The following KMT2D variants were observed in gnomAD, a reference collection of about 807,000 sequenced individuals.
KMT2D encodes the protein lysine methyltransferase 2D, also known as histone-lysine N-methyltransferase 2D.
A neutral mutation model predicts 512.7 loss-of-function variants in KMT2D; 55 were observed. The ratio of observed to expected loss-of-function variants is 0.11; its 90% CI spans 0.09 to 0.13. The LOEUF is 0.13. Ranked by LOEUF, KMT2D falls within the 10% of genes least tolerant of loss-of-function variation. KMT2D has a pLI of 1.00. For missense variants in KMT2D, 6,061 were observed against 7,127.9 expected (o/e 0.85, Z 5.39); for synonymous variants, 2,995 against 2,904.0 (o/e 1.03, Z -1.01).
rs770649611 is a variant in KMT2D, at chr12:49,044,774, G to C, written c.4933C>G (p.Leu1645Val). ...LGPDDKKDGD[L>V]DTDELLKGEG... ...CCCTTGAGCAGCTCATCGGTGTCCA[G>C]GTCCCCATCCTTCTTGTCATCAGGG... is the stretch of plus-strand genomic sequence containing the variant. The change falls in exon 20 of 55, where the codon CTG becomes GTG. Residue 1645 changes from leucine (L) to valine (V), a missense_variant. Physicochemically the swap from Leu to Val is conservative, Grantham distance 32 (BLOSUM62 1). Around this residue, in one of 16 missense-constraint regions of KMT2D, gnomAD observed 640 missense variants for 814.3 expected, o/e 0.79. Coordinates refer to ENST00000301067, the MANE Select transcript of KMT2D (RefSeq NM_003482.4). The surrounding 1 kb of genome is among the most constrained non-coding windows in gnomAD (Gnocchi z 6.4). 6.2e-7 allele frequency: 1 copy of C among 1,613,922 alleles called. No individual in the cohort carries two copies. Among genetic ancestry groups the C allele is most frequent in the South Asian group, 1.1e-5 (1 of 91,074 alleles).
rs780344461 is a variant in KMT2D, at chr12:49,049,726, T to C, written c.3862A>G (p.Lys1288Glu). 1.9e-6 allele frequency: 3 copies of C among 1,603,698 alleles called. No individual in the cohort carries two copies. The highest frequency in any genetic ancestry group is 1.7e-5 in the Admixed American group (1 of 59,682). Residue 1288 changes from lysine to glutamate, a missense_variant, in exon 12 of 55, where the codon AAG becomes GAG. Around this residue, in one of 16 missense-constraint regions of KMT2D, gnomAD observed 447 missense variants for 500.1 expected, o/e 0.89. Coordinates refer to ENST00000301067, the MANE Select transcript of KMT2D (RefSeq NM_003482.4). The stretch of plus-strand genomic sequence containing the variant: ...GCTGGGGAGCTGCGCCGCCGCCCCT[T>C]CTCCCCCTCAGCTTTGCCTCCGCTG... ...AISGGKAEGE[K>E]GRRRSSPARS...
chr12:49,041,323 C>T lies in KMT2D; in HGVS notation c.6447G>A (p.Ser2149=), dbSNP rs1382639107. 3.4e-5 allele frequency: 53 copies of T among 1,537,224 alleles called. No individual in the cohort carries two copies. The highest frequency in any genetic ancestry group is 4.6e-5 in the East Asian group (2 of 43,570). The change falls in exon 32 of 55, where the codon TCG becomes TCA. Residue 2149 remains serine (S), a synonymous_variant. Coordinates refer to ENST00000301067, the MANE Select transcript of KMT2D (RefSeq NM_003482.4). The surrounding 1 kb of genome is among the most constrained non-coding windows in gnomAD (Gnocchi z 5.4). ...ADGFLKPPAG[S]VPGPDSPGEL... is the part of the protein sequence containing the mutation. ...CACCAGGCGAGTCAGGGCCAGGCAC[C>T]GAGCCCGCCGGCGGCTTCAGGAACC... is the stretch of plus-strand genomic sequence containing the variant.
chr12:49,042,977 C>A lies in KMT2D; in HGVS notation c.5644+99G>T. The A allele has an allele frequency of 6.4e-7, 1 of 1,570,340 alleles. No individual in the cohort carries two copies. Among genetic ancestry groups the A allele is most frequent in the South Asian group, 1.1e-5 (1 of 89,624 alleles). The stretch of plus-strand genomic sequence containing the variant: ...TGGCCAGGAACAGTCCAGGACTCCC[C>A]ACCAGAGAAGCTGTACAGATCACAG... On this transcript the variant is annotated intron_variant, in intron 26 of 54. Transcript: ENST00000301067. The surrounding 1 kb of genome is among the most constrained non-coding windows in gnomAD (Gnocchi z 4.4).
At chr12:49,052,862 A>G (rs1286851045) in intron 9 of KMT2D, 53 bp downstream of exon 9, 2 of 1,607,436 alleles carry the variant, frequency 1.2e-6, no homozygotes, top group Admixed American at 3.3e-5. Flanking sequence ...GCCCCTGCCA[A>G]TGTCAGTTCT....
In KMT2D at chr12:49,020,930, T is replaced by G; in HGVS notation, c.*850A>C. ...ATCATTTGCCTCAACCACCATCCCA[T>G]GCCCATAATTAAAAACAAAGATGGA... On this transcript the variant is annotated 3_prime_UTR_variant, in exon 55 of 55. Coordinates refer to ENST00000301067, the MANE Select transcript of KMT2D (RefSeq NM_003482.4). The G allele has an allele frequency of 5.1e-6, 1 of 194,676 alleles. No homozygotes were observed. Among genetic ancestry groups the G allele is most frequent in the Non-Finnish European group, 1.1e-5 (1 of 93,292 alleles). 12.1% of individuals were successfully genotyped at this position (194,676 alleles called of 1,614,324 possible).
At position 49,052,178 on chromosome 12, in the gene KMT2D, G is replaced by C. The variant is rs1449395575; in HGVS notation, c.1505C>G (p.Pro502Arg). Residue 502 changes from proline to arginine, a missense_variant, in exon 11 of 55, where the codon CCT becomes CGT. Pro to Arg is a moderately radical substitution (Grantham distance 103, BLOSUM62 -2). Transcript: ENST00000301067. Reference sequence around the variant, plus strand: ...TGATGATTCAGGTGGGGGAGACAGAGGAGACTCCTCAGGCGGCGGAGAGAG... The same window carrying C: ...TGATGATTCAGGTGGGGGAGACAGACGAGACTCCTCAGGCGGCGGAGAGAG... ...SPLSPPPEESPLSPPPESSPF... is the reference protein window; with the variant it reads ...SPLSPPPEESRLSPPPESSPF... 1 of 1,613,598 alleles carries C rather than the reference G, an allele frequency of 6.2e-7. No individual in the cohort carries two copies. Among genetic ancestry groups the C allele is most frequent in the Non-Finnish European group, 8.5e-7 (1 of 1,179,744 alleles).
rs1942249901 is a variant in KMT2D, at chr12:49,020,288, G to T, written c.*1492C>A. On this transcript the variant is annotated 3_prime_UTR_variant, in exon 55 of 55. Coordinates refer to ENST00000301067, the MANE Select transcript of KMT2D (RefSeq NM_003482.4). Reference sequence around the variant, plus strand: ...CTTACAGCAGTCACAGCCAGGGGGTGGGGAGTGGGGTGGGGGGTGAGGAAA... The same window carrying T: ...CTTACAGCAGTCACAGCCAGGGGGTTGGGAGTGGGGTGGGGGGTGAGGAAA... The T allele has an allele frequency of 5.7e-6, 1 of 174,526 alleles. No individual in the cohort carries two copies. The highest frequency in any genetic ancestry group is 1.2e-5 in the Non-Finnish European group (1 of 80,960). 10.8% of individuals were successfully genotyped at this position (174,526 alleles called of 1,614,324 possible).
Position 49,029,392 on chromosome 12 carries a change from C to T in KMT2D, c.14075+9G>A, listed in dbSNP as rs774910986. On this transcript the variant is annotated intron_variant, in intron 44 of 54. Coordinates refer to ENST00000301067, the MANE Select transcript of KMT2D (RefSeq NM_003482.4). ...TGTTCCTCATCCCCATTTCTGGCCC[C>T]GCCCCTACCTGACATCCTCAGTCTG... 24 of 1,556,612 alleles carry T rather than the reference C, an allele frequency of 1.5e-5. No homozygotes were observed. Among genetic ancestry groups the T allele is most frequent in the Admixed American group, 1.9e-5 (1 of 51,540 alleles).
rs58887405 is a variant in KMT2D, at chr12:49,033,057, T to A, written c.11648A>T (p.His3883Leu). The A allele has an allele frequency of 6.4e-7, 1 of 1,551,586 alleles. No homozygotes were observed. The highest frequency in any genetic ancestry group is 8.7e-7 in the Non-Finnish European group (1 of 1,146,956). Residue 3883 changes from histidine to leucine, a missense_variant, in exon 40 of 55, where the codon CAC (histidine) becomes CTC (leucine). Transcript: ENST00000301067. ...LSHLQQSLMS[H>L]SGQPKLSAQP... ...AGCGCTCAGTTTGGGCTGCCCACTG[T>A]GTGACATCAGACTCTGCTGAAGATG... is the stretch of plus-strand genomic sequence containing the variant.
rs993126939 is a variant in KMT2D at position 49,060,483 on chromosome 12, G to A, written c.-908C>T. Among the ~76,000 whole-genome samples, 6 of 152,198 alleles carry A rather than the reference G, an allele frequency of 3.9e-5. No homozygotes were observed. The highest frequency in any genetic ancestry group is 1.4e-4 in the African/African-American group (6 of 41,458). ...ATCGCAGGCGGCCTAGAGGTGCATGGCCCAACCCCGGCTCCCGGCACCGGG... is the reference window on the plus strand; with the variant it reads ...ATCGCAGGCGGCCTAGAGGTGCATGACCCAACCCCGGCTCCCGGCACCGGG... On this transcript the variant is annotated 5_prime_UTR_variant, in exon 1 of 55. Coordinates refer to ENST00000301067, the MANE Select transcript of KMT2D (RefSeq NM_003482.4).
rs769668943 is a variant in KMT2D at position 49,044,799 on chromosome 12, G to C, written c.4908C>G (p.Gly1636=). 1 of 1,614,002 alleles carries C rather than the reference G, an allele frequency of 6.2e-7. No individual in the cohort carries two copies. Among genetic ancestry groups the C allele is most frequent in the Non-Finnish European group, 8.5e-7 (1 of 1,179,896 alleles). The change falls in exon 20 of 55, where the codon GGC becomes GGG. Residue 1636 remains glycine (G), a synonymous_variant. Transcript: ENST00000301067. This position sits in a 1 kb window ranked among gnomAD's most constrained non-coding sequence, Gnocchi z 6.4. ...LEGSEPSDAL[G]PDDKKDGDLD... Reference sequence around the variant, plus strand: ...GGTCCCCATCCTTCTTGTCATCAGGGCCAAGGGCATCTGAGGGCTCAGAAC... The same window carrying C: ...GGTCCCCATCCTTCTTGTCATCAGGCCCAAGGGCATCTGAGGGCTCAGAAC...
chr12:49,030,827 C>T (rs1942868237), intron 41 of KMT2D, 59 bp from the exon 42 acceptor site: 1 of 1,612,576 alleles, frequency 6.2e-7, no homozygotes, highest in East Asian at 2.2e-5. Context: ...CTGTCTTGCA[C>T]AGCTGGGGGA....
intron 49 of KMT2D, among the ~76,000 whole-genome samples, chr12:49,025,420 C>T (rs1047166285): frequency 1.3e-5 from 2 of 152,156 alleles, no homozygotes; most frequent in Admixed American, 6.5e-5. Flanking sequence ...ACATACTTAC[C>T]GTATGTTACA....
chr12:49,046,066 C>T lies in KMT2D; in HGVS notation c.4692G>A (p.Val1564=), dbSNP rs912602466. The change falls in exon 18 of 55, where the codon GTG becomes GTA. Residue 1564 remains valine (V), a splice_region_variant and synonymous_variant. Coordinates refer to ENST00000301067, the MANE Select transcript of KMT2D (RefSeq NM_003482.4). The surrounding 1 kb of genome is among the most constrained non-coding windows in gnomAD (Gnocchi z 4.2). ...CCCTACCCAGCAGCTGGTACTCACC[C>T]ACAGGCTTTACCACGTAGGGCTGGC... is the stretch of plus-strand genomic sequence containing the variant. ...VSCQPYVVKP[V]APVAPPELVP... is the part of the protein sequence containing the mutation. 3.1e-6 allele frequency: 5 copies of T among 1,611,546 alleles called. No homozygotes were observed. The East Asian group carries it at 8.9e-5, about 29-fold the overall frequency.
Position 49,024,408 on chromosome 12 carries a change from A to C in KMT2D, c.16052+170T>G, listed in dbSNP as rs1169301696. Reference sequence around the variant, plus strand: ...CATCTGAGCAGGTTGGGAGAGGAGGAAAAGGATACCCTACTAATACCTGCA... The same window carrying C: ...CATCTGAGCAGGTTGGGAGAGGAGGCAAAGGATACCCTACTAATACCTGCA... On this transcript the variant is annotated intron_variant, in intron 51 of 54. Transcript: ENST00000301067. This position sits in a 1 kb window ranked among gnomAD's most constrained non-coding sequence, Gnocchi z 4.5. Among the ~76,000 whole-genome samples, 1 of 152,188 alleles carries C rather than the reference A, an allele frequency of 6.6e-6. No homozygotes were observed. The highest frequency in any genetic ancestry group is 1.5e-5 in the Non-Finnish European group (1 of 68,026).
chr12:49,024,831 G>A lies in KMT2D; in HGVS notation c.15900C>T (p.Ala5300=), dbSNP rs202037419. The change falls in exon 50 of 55, where the codon GCC becomes GCT. Residue 5300 remains alanine, a synonymous_variant. Transcript: ENST00000301067. This position sits in a 1 kb window ranked among gnomAD's most constrained non-coding sequence, Gnocchi z 4.5. The part of the protein sequence containing the change: ...GEELFGLTVH[A]VLRIAESLPG... ...TTACTGATTCAGCTATGCGAAGCACGGCATGCACCGTCAGCCCAAAGAGCT... is the reference window on the plus strand; with the variant it reads ...TTACTGATTCAGCTATGCGAAGCACAGCATGCACCGTCAGCCCAAAGAGCT... 8.7e-6 allele frequency: 14 copies of A among 1,612,716 alleles called. No homozygotes were observed. The highest frequency in any genetic ancestry group is 1.6e-4 in the Middle Eastern group (1 of 6,082).
rs2137716114 is a variant in KMT2D at position 49,026,447 on chromosome 12, T to C, written c.15519A>G (p.Glu5173=). The C allele has an allele frequency of 6.2e-7, 1 of 1,613,916 alleles. No individual in the cohort carries two copies. The highest frequency in any genetic ancestry group is 8.5e-7 in the Non-Finnish European group (1 of 1,179,890). The change falls in exon 49 of 55, where the codon GAA becomes GAG. Residue 5173 remains glutamate, a synonymous_variant. Coordinates refer to ENST00000301067, the MANE Select transcript of KMT2D (RefSeq NM_003482.4). This position sits in a 1 kb window ranked among gnomAD's most constrained non-coding sequence, Gnocchi z 9.6. The part of the protein sequence containing the change: ...KQIASIIQRG[E]RLHMFRVGGL... ...CCCCCACACGGAACATGTGCAGCCG[T>C]TCTCCCCGCTGAATGATGCTAGCGA... is the stretch of plus-strand genomic sequence containing the variant.
chr12:49,033,362 G>A lies in KMT2D; in HGVS notation c.11343C>T (p.Ser3781=). The A allele has an allele frequency of 6.3e-7, 1 of 1,584,626 alleles. No individual in the cohort carries two copies. Among genetic ancestry groups the A allele is most frequent in the African/African-American group, 1.3e-5 (1 of 74,406 alleles). ...PKPQGLMPPS[S]HQGLLVQQLS... ...GCTGCTGGACCAGGAGGCCTTGGTG[G>A]CTGCTGGGAGGCATAAGGCCCTGGG... The change falls in exon 40 of 55, where the codon AGC becomes AGT. Residue 3781 remains serine (S), a synonymous_variant. Coordinates refer to ENST00000301067, the MANE Select transcript of KMT2D (RefSeq NM_003482.4).
Position 49,033,482 on chromosome 12 carries a change from TTGCTGC to T in KMT2D, c.11217_11222del (p.Gln3744_Gln3745del), listed in dbSNP as rs398123707. On this transcript the variant is annotated inframe_deletion, in exon 40 of 55. Coordinates refer to ENST00000301067, the MANE Select transcript of KMT2D (RefSeq NM_003482.4). Reference sequence around the variant, plus strand: ...GTCCTAGAAGGTGCTGCTGCTGCTGTTGCTGCTGCTGCTGCTGCTGCAGTTTCTGGG... The same window carrying T: ...GTCCTAGAAGGTGCTGCTGCTGCTGTTGCTGCTGCTGCTGCAGTTTCTGGG... The T allele has an allele frequency of 2.2e-5, 36 of 1,611,216 alleles. No homozygotes were observed. The highest frequency in any genetic ancestry group is 1.3e-4 in the African/African-American group (10 of 74,758).
Sources: gnomAD v4.1 joint callset for allele counts (sites outside exome capture counted in the v4.1 genomes callset) on GRCh38, gnomAD v4.1.1 for gene constraint, gnomAD v4.1.1 regional missense constraint, Gnocchi (gnomAD v3.1) non-coding constraint, MANE v1.5 for transcripts, NCBI Gene and HGNC (gene_info 2026-07-23, HGNC 2026-07-21) for gene names.